The following CES1 variants were observed in gnomAD, a reference collection of about 807,000 sequenced individuals.
CES1 encodes carboxylesterase 1, also known as liver carboxylesterase 1.
Under a neutral mutation model 53.0 loss-of-function variants are expected in CES1, and 50 were observed. The ratio of observed to expected loss-of-function variants is 0.94; its 90% CI spans 0.75 to 1.19. CES1 has a LOEUF of 1.19. Ranked by LOEUF, CES1 falls within the 50% of genes most tolerant of loss-of-function variation. The pLI, the probability that CES1 is intolerant of heterozygous loss-of-function variation, is 0.00. For missense variants in CES1, 534 were observed against 538.0 expected (o/e 0.99, Z 0.07); for synonymous variants, 202 against 210.1 (o/e 0.96, Z 0.33).
chr16:55,813,594 A>G (rs2031800388), intron 8 of CES1, among the ~76,000 whole-genome samples: 1 of 152,218 alleles, frequency 6.6e-6, no homozygotes, highest in Admixed American at 6.5e-5. Context: ...AGCCTCATGT[A>G]TGAATCGGCC....
intron 11 of CES1, among the ~76,000 whole-genome samples, chr16:55,808,955 T>G (rs1455337305): frequency 2.6e-5 from 4 of 152,042 alleles, no homozygotes; most frequent in Admixed American, 6.5e-5. Context: ...GAGTGATACA[T>G]AGTTTCTTCT....
rs760451430 is a variant in CES1 at position 55,819,652 on chromosome 16, C to G, written c.802-13G>C. Reference sequence around the variant, plus strand: ...TGATAGCAATTTGCTGCAAAGATCACAGGCAACAACAGAGTTCAAGAGCGA... The same window carrying G: ...TGATAGCAATTTGCTGCAAAGATCAGAGGCAACAACAGAGTTCAAGAGCGA... On this transcript the variant is annotated splice_polypyrimidine_tract_variant and intron_variant, in intron 6 of 13. Coordinates refer to ENST00000360526, the MANE Select transcript of CES1 (RefSeq NM_001025195.2). 62 of 1,597,494 alleles carry G rather than the reference C, an allele frequency of 3.9e-5. No individual in the cohort carries two copies. In the Admixed American group the frequency reaches 9.8e-4, roughly 25 times the overall value.
chr16:55,808,826 C>T (rs2031550775), intron 11 of CES1, among the ~76,000 whole-genome samples: 1 of 152,060 alleles, frequency 6.6e-6, no homozygotes, highest in African/African-American at 2.4e-5. Flanking sequence ...ATCCTCACAA[C>T]ATAGTGTTCT....
At chr16:55,818,562 G>A (rs1164892079) in intron 7 of CES1, among the ~76,000 whole-genome samples, 10 of 152,098 alleles carry the variant, frequency 6.6e-5, no homozygotes, top group Non-Finnish European at 1.0e-4. Context: ...TGGCTCCTCC[G>A]CCTTCTCTGT....
intron 7 of CES1, among the ~76,000 whole-genome samples, chr16:55,818,600 G>C (rs567977819): frequency 7.2e-5 from 11 of 151,998 alleles, no homozygotes; most frequent in African/African-American, 2.7e-4. Flanking sequence ...TACAATGAAT[G>C]CTTCCCCTCT....
intron 1 of CES1, among the ~76,000 whole-genome samples, chr16:55,830,819 A>AAGGAAGGAAGGAAGGCAGGCAGGC (rs1454708070): frequency 3.2e-4 from 41 of 127,342 alleles, no homozygotes; most frequent in African/African-American, 1.1e-3. Flanking sequence ...GGAAGGAAGG[A>AAGGAAGGAAGGAAGGCAGGCAGGC]AGGCAGGCAG....
At position 55,814,056 on chromosome 16, in the gene CES1, G is replaced by GTTTATAAATCCA. The variant is rs139028909; in HGVS notation, c.946-1014_946-1013insTGGATTTATAAA. On this transcript the variant is annotated intron_variant, in intron 8 of 13. Coordinates refer to ENST00000360526, the MANE Select transcript of CES1 (RefSeq NM_001025195.2). ...GTGAATTTATAAACACAGAATCCAT[G>GTTTATAAATCCA]ATTAATGAGGAAGAGATTATGCTAT... is the stretch of plus-strand genomic sequence containing the variant. 8.8e-3 allele frequency among the ~76,000 whole-genome samples: 1,340 copies of GTTTATAAATCCA among 152,280 alleles called. 24 individuals are homozygous for GTTTATAAATCCA. In the East Asian group the frequency reaches 0.1, roughly 11 times the overall value.
At chr16:55,830,814 G>GAAGA (rs2032626343) in intron 1 of CES1, among the ~76,000 whole-genome samples, 1 of 150,784 alleles carries the variant, frequency 6.6e-6, no homozygotes, top group Admixed American at 6.6e-5. Context: ...AGGAAGGAAG[G>GAAGA]AAGGAAGGCA....
At chr16:55,829,517 AG>A (rs1467080532) in intron 1 of CES1, among the ~76,000 whole-genome samples, 17 of 152,164 alleles carry the variant, frequency 1.1e-4, no homozygotes, top group Admixed American at 1.1e-3. Flanking sequence ...GCGGCAGGGG[AG>A]GACTGAATGA....
intron 6 of CES1, 39 bp from the exon 7 acceptor site, chr16:55,819,678 C>T (rs1198015187): frequency 6.7e-7 from 1 of 1,498,118 alleles, no homozygotes; most frequent in African/African-American, 1.4e-5. Flanking sequence ...TCAAGAGCGA[C>T]ATCCCTTCCC....
intron 8 of CES1, among the ~76,000 whole-genome samples, chr16:55,816,068 C>T (rs2031930159): frequency 6.6e-6 from 1 of 152,292 alleles, no homozygotes; most frequent in African/African-American, 2.4e-5. Flanking sequence ...CTGCCTCCTC[C>T]AGAGCTTGGC....
chr16:55,810,482 G>C lies in CES1; in HGVS notation c.1318+35C>G, dbSNP rs779516302. 22 of 1,613,568 alleles carry C rather than the reference G, an allele frequency of 1.4e-5. No individual in the cohort carries two copies. In the Admixed American group the frequency reaches 3.7e-4, roughly 27 times the overall value. On this transcript the variant is annotated intron_variant, in intron 11 of 13. Coordinates refer to ENST00000360526, the MANE Select transcript of CES1 (RefSeq NM_001025195.2). Reference sequence around the variant, plus strand: ...TGGGTCAGATACAGAAGCTCGTGGGGTTTGTGTCCCTCCCGTTCGACCTCT... The same window carrying C: ...TGGGTCAGATACAGAAGCTCGTGGGCTTTGTGTCCCTCCCGTTCGACCTCT...
intron 8 of CES1, among the ~76,000 whole-genome samples, chr16:55,813,598 A>G (rs1234964688): frequency 6.6e-6 from 1 of 152,234 alleles, no homozygotes; most frequent in Admixed American, 6.5e-5. Context: ...TCATGTATGA[A>G]TCGGCCAATT....
chr16:55,830,951 G>T (rs1385395531), intron 1 of CES1, among the ~76,000 whole-genome samples: 1 of 152,282 alleles, frequency 6.6e-6, no homozygotes, highest in Middle Eastern at 3.4e-3. Flanking sequence ...CAAAGAGCTG[G>T]CTTGTAATGC....
chr16:55,831,898 G>A (rs1215867380), intron 1 of CES1, among the ~76,000 whole-genome samples: 20 of 151,526 alleles, frequency 1.3e-4, no homozygotes, highest in African/African-American at 4.1e-4. Flanking sequence ...TGGCATGGGG[G>A]TATTTCGAGG....
At chr16:55,825,700 A>G (rs186598501) in intron 3 of CES1, among the ~76,000 whole-genome samples, 1 of 152,348 alleles carries the variant, frequency 6.6e-6, no homozygotes, top group East Asian at 1.9e-4. Context: ...GAAGATCAGA[A>G]GACTTGAGCC....
chr16:55,812,812 T>C (rs1326757121), intron 9 of CES1, 91 bp downstream of exon 9: 12 of 1,550,228 alleles, frequency 7.7e-6, no homozygotes, highest in South Asian at 1.1e-5. Context: ...GGACTCAGAG[T>C]GCAGCTCGGA....
At chr16:55,810,808 AAG>A (rs2031655721) in intron 10 of CES1, 117 bp downstream of exon 10, 26 of 1,404,242 alleles carry the variant, frequency 1.9e-5, no homozygotes, top group Non-Finnish European at 2.4e-5. Flanking sequence ...GAAAGGTGGA[AAG>A]ATGGGGGAAA....
Position 55,821,124 on chromosome 16 carries a change from C to A in CES1, c.693+244G>T, listed in dbSNP as rs1353385761. ...ACCAAGCTGGAAGAGGAGAATGCCACCATTGCAGGCTGCAACTGGAGATTC... is the reference window on the plus strand; with the variant it reads ...ACCAAGCTGGAAGAGGAGAATGCCAACATTGCAGGCTGCAACTGGAGATTC... On this transcript the variant is annotated intron_variant, in intron 5 of 13. Coordinates refer to ENST00000360526, the MANE Select transcript of CES1 (RefSeq NM_001025195.2). 2.6e-5 allele frequency among the ~76,000 whole-genome samples: 4 copies of A among 152,086 alleles called. No individual in the cohort carries two copies. The South Asian group carries it at 8.3e-4, about 32-fold the overall frequency.
Sources: allele counts gnomAD v4.1 joint callset (sites outside exome capture counted in the v4.1 genomes callset), GRCh38; gene constraint gnomAD v4.1.1; transcripts MANE v1.5; gene names NCBI Gene and HGNC (gene_info 2026-07-23, HGNC 2026-07-21).